Variants in CCDC83 observed in about 807,000 individuals in gnomAD.
CCDC83 encodes the protein coiled-coil domain containing 83.
In CCDC83, 54 loss-of-function variants were observed where a neutral mutation model predicts 50.1. The observed-to-expected ratio is 1.08, with a 90% confidence interval of 0.87 to 1.35. The LOEUF (loss-of-function observed/expected upper bound fraction) is 1.35, where lower values mean the gene tolerates loss of function less well. Among genes scored for constraint, CCDC83 ranks in the 40% most tolerant of loss-of-function variants. CCDC83 has a pLI of 0.00. For missense variants in CCDC83, 518 were observed against 473.9 expected (o/e 1.09, Z -0.86); for synonymous variants, 161 against 153.3 (o/e 1.05, Z -0.37).
chr11:85,863,937 C>T lies in CCDC83; in HGVS notation c.-28-1159C>T, dbSNP rs533825230. On this transcript the variant is annotated intron_variant, in intron 1 of 10. Transcript: ENST00000342404. ...TATATCTCAGACACTATGCTAGGTG[C>T]TTTAAATATTAGCTTATTTAATCCT... Among the ~76,000 whole-genome samples the T allele has an allele frequency of 5.3e-5, 8 of 152,286 alleles. No individual in the cohort carries two copies. The East Asian group carries it at 1.5e-3, about 29-fold the overall frequency.
intron 3 of CCDC83, among the ~76,000 whole-genome samples, chr11:85,874,800 T>C (rs1185468496): frequency 6.6e-6 from 1 of 152,190 alleles, no homozygotes; most frequent in Non-Finnish European, 1.5e-5. Flanking sequence ...TTACCTCTCA[T>C]CTCTTAACAT....
At chr11:85,916,349 T>C in intron 10 of CCDC83, 116 bp downstream of exon 10, 2 of 824,268 alleles carry the variant, frequency 2.4e-6, no homozygotes, top group South Asian at 3.0e-5. Context: ...TTTGCAATTA[T>C]TAGTAAAATT....
Position 85,865,127 on chromosome 11 carries a change from G to A in CCDC83, c.4G>A (p.Glu2Lys). The change falls in exon 2 of 11, where the codon GAA becomes AAA. Residue 2 changes from glutamate to lysine, a missense_variant. Coordinates refer to ENST00000342404, the MANE Select transcript of CCDC83 (RefSeq NM_001286159.2). Reference sequence around the variant, plus strand: ...TTCTTCATAGCTAACCAGCACAATGGAAAACTCAGGGAAAGCAAATAAAAA... The same window carrying A: ...TTCTTCATAGCTAACCAGCACAATGAAAAACTCAGGGAAAGCAAATAAAAA... M[E>K]NSGKANKKDT... The A allele has an allele frequency of 6.8e-6, 11 of 1,607,968 alleles. No individual in the cohort carries two copies. The highest frequency in any genetic ancestry group is 9.4e-6 in the Non-Finnish European group (11 of 1,174,740).
intron 3 of CCDC83, among the ~76,000 whole-genome samples, chr11:85,873,629 AT>A (rs774203781): frequency 1.3e-5 from 2 of 152,186 alleles, no homozygotes; most frequent in Non-Finnish European, 2.9e-5. Flanking sequence ...TTGGTTCTCC[AT>A]TTTAAATCTC....
At chr11:85,917,134 AAGAGAG>A (rs201907138) in intron 10 of CCDC83, among the ~76,000 whole-genome samples, 1,016 of 77,964 alleles carry the variant, frequency 0.013, 36 homozygotes, top group African/African-American at 0.049. Flanking sequence ...AAGAAAAAGA[AAGAGAG>A]AGAGAGAGAG....
intron 6 of CCDC83, among the ~76,000 whole-genome samples, chr11:85,896,314 T>C (rs952927378): frequency 1.5e-4 from 23 of 149,022 alleles, no homozygotes; most frequent in African/African-American, 5.7e-4. Flanking sequence ...GGTGGAAGGA[T>C]TGCTTGAGCC....
At chr11:85,911,139 C>T (rs1425710103) in intron 7 of CCDC83, 142 bp from the exon 8 acceptor site, 1 of 666,372 alleles carries the variant, frequency 1.5e-6, no homozygotes, top group East Asian at 3.6e-5. Context: ...CCACCGCACT[C>T]CAGCCTGGGA....
chr11:85,858,473 T>C (rs1404926203), intron 1 of CCDC83, among the ~76,000 whole-genome samples: 1 of 152,134 alleles, frequency 6.6e-6, no homozygotes, highest in African/African-American at 2.4e-5. Flanking sequence ...TTGTGATTGG[T>C]TTGTCAGTGT....
In CCDC83 at chr11:85,886,290, G is replaced by A. The variant is rs1157805015; in HGVS notation, c.434G>A (p.Ser145Asn). 1.2e-6 allele frequency: 2 copies of A among 1,610,696 alleles called. No individual in the cohort carries two copies. Among genetic ancestry groups the A allele is most frequent in the Admixed American group, 1.7e-5 (1 of 59,116 alleles). ...EYWEEYKNVGSERHAKLITSL... is the reference protein window; with the variant it reads ...EYWEEYKNVGNERHAKLITSL... ...TGGGAGGAGTACAAGAATGTAGGGAGTGAACGACATGCTAAACTCATTACC... is the reference window on the plus strand; with the variant it reads ...TGGGAGGAGTACAAGAATGTAGGGAATGAACGACATGCTAAACTCATTACC... The change falls in exon 5 of 11, where the codon AGT becomes AAT. Residue 145 changes from serine (S) to asparagine (N), a missense_variant. Physicochemically the swap from Ser to Asn is conservative, Grantham distance 46 (BLOSUM62 1). Coordinates refer to ENST00000342404, the MANE Select transcript of CCDC83 (RefSeq NM_001286159.2).
chr11:85,879,940 T>C (rs1448058721), intron 3 of CCDC83, among the ~76,000 whole-genome samples: 1 of 152,210 alleles, frequency 6.6e-6, no homozygotes, highest in Non-Finnish European at 1.5e-5. Context: ...TTCTGAGTTC[T>C]CTACTCTCTT....
At chr11:85,871,111 G>C (rs2093234787) in intron 2 of CCDC83, among the ~76,000 whole-genome samples, 1 of 152,168 alleles carries the variant, frequency 6.6e-6, no homozygotes, top group South Asian at 2.1e-4. Context: ...AGTTTGCAGT[G>C]AGCCGAGATC....
At chr11:85,912,064 T>C (rs1315900805) in intron 8 of CCDC83, among the ~76,000 whole-genome samples, 1 of 152,092 alleles carries the variant, frequency 6.6e-6, no homozygotes, top group African/African-American at 2.4e-5. Context: ...TTTAGACAAG[T>C]AGTCAAAACC....
At chr11:85,916,326 A>G in intron 10 of CCDC83, 93 bp downstream of exon 10, 1 of 942,748 alleles carries the variant, frequency 1.1e-6, no homozygotes. Context: ...AAATATGGAT[A>G]TTGAAAATTC....
At chr11:85,869,556 A>T (rs1361156030) in intron 2 of CCDC83, among the ~76,000 whole-genome samples, 1 of 152,234 alleles carries the variant, frequency 6.6e-6, no homozygotes, top group Non-Finnish European at 1.5e-5. Flanking sequence ...CATTACTAAC[A>T]TTTTAACAAT....
intron 5 of CCDC83, among the ~76,000 whole-genome samples, chr11:85,887,102 A>G (rs1187797798): frequency 6.6e-6 from 1 of 152,192 alleles, no homozygotes; most frequent in Non-Finnish European, 1.5e-5. Flanking sequence ...GTCAAAGTCA[A>G]TTAAGTTGTA....
At chr11:85,894,007 C>T (rs1397723676) in intron 5 of CCDC83, among the ~76,000 whole-genome samples, 1 of 152,052 alleles carries the variant, frequency 6.6e-6, no homozygotes, top group Non-Finnish European at 1.5e-5. Flanking sequence ...AGGGCTCCCA[C>T]TGATTCTACA....
At chr11:85,896,400 CAAAAAA>C (rs58450617) in intron 6 of CCDC83, among the ~76,000 whole-genome samples, 151 of 50,496 alleles carry the variant, frequency 3.0e-3, no homozygotes, top group African/African-American at 6.3e-3. Flanking sequence ...GACCTTGTCT[CAAAAAA>C]AAAAAAAAAA....
At chr11:85,908,461 G>A (rs182201763) in intron 7 of CCDC83, among the ~76,000 whole-genome samples, 1 of 152,188 alleles carries the variant, frequency 6.6e-6, no homozygotes, top group Admixed American at 6.5e-5. Flanking sequence ...TGAGGCAGGA[G>A]AATCGCTTGA....
At chr11:85,892,500 T>C (rs1457928933) in intron 5 of CCDC83, among the ~76,000 whole-genome samples, 1 of 152,182 alleles carries the variant, frequency 6.6e-6, no homozygotes, top group Non-Finnish European at 1.5e-5. Context: ...AGAGAATAGA[T>C]TGTGAATATT....
Sources: allele counts gnomAD v4.1 joint callset (sites outside exome capture counted in the v4.1 genomes callset), GRCh38; gene constraint gnomAD v4.1.1; transcripts MANE v1.5; gene names NCBI Gene and HGNC (gene_info 2026-07-23, HGNC 2026-07-21).